The following OASL variants were observed in gnomAD, a reference collection of about 807,000 sequenced individuals.
The protein encoded by OASL is 2'-5'-oligoadenylate synthase-like protein.
OASL carries 28 observed loss-of-function variants against 35.3 expected under a neutral mutation model. The observed-to-expected ratio is 0.79, with a 90% CI of 0.59 to 1.09. The LOEUF (loss-of-function observed/expected upper bound fraction) is 1.09. OASL is among the 50% of genes least tolerant of loss of function. OASL has a pLI of 0.00. For synonymous variants in OASL, 252 were observed against 254.6 expected, an observed-to-expected ratio of 0.99 and a Z score of 0.10; for missense variants, 620 against 635.2, an observed-to-expected ratio of 0.98 and a Z score of 0.26.
intron 1 of OASL, 91 bp from the exon 2 acceptor site, chr12:121,033,834 C>T (rs1281344471): frequency 5.1e-6 from 7 of 1,373,956 alleles, no homozygotes; most frequent in South Asian, 2.6e-5. Context: ...TCACTGAATG[C>T]TCACCACCCG....
intron 1 of OASL, 87 bp downstream of exon 1, chr12:121,038,687 G>C (rs1261819182): frequency 7.6e-7 from 1 of 1,308,020 alleles, no homozygotes; most frequent in Non-Finnish European, 1.1e-6. Flanking sequence ...TAGGGATAAG[G>C]AGGACAGGGG....
exon 1 of OASL, chr12:121,039,219 C>T (rs1043767685): frequency 1.1e-5 from 6 of 531,030 alleles, no homozygotes; most frequent in African/African-American, 9.5e-5. Context: ...CTGGGGCCAC[C>T]TTAACAGGCT....
intron 1 of OASL, among the ~76,000 whole-genome samples, chr12:121,037,810 G>A (rs985358694): frequency 2.1e-5 from 3 of 143,908 alleles, no homozygotes; most frequent in Middle Eastern, 4.3e-3. Flanking sequence ...TTTATTGGCC[G>A]GCCAGACATG....
exon 1 of OASL, chr12:121,038,946 C>T (rs566075133): frequency 6.2e-7 from 1 of 1,614,164 alleles, no homozygotes; most frequent in Non-Finnish European, 8.5e-7. Flanking sequence ...GGCTGGTGTG[C>T]TATACAGTTC....
chr12:121,032,909 GTTTT>G (rs896275550), intron 2 of OASL, among the ~76,000 whole-genome samples: 13 of 150,908 alleles, frequency 8.6e-5, no homozygotes, highest in Admixed American at 5.3e-4. Flanking sequence ...TTGCAATCAT[GTTTT>G]TTTGTTTGTT....
intron 3 of OASL, among the ~76,000 whole-genome samples, chr12:121,028,041 T>C (rs542347547): frequency 6.6e-6 from 1 of 152,342 alleles, no homozygotes; most frequent in Admixed American, 6.5e-5. Flanking sequence ...TCAACAGATG[T>C]AACTCCTGGA....
At chr12:121,020,019 G>C (rs1032476462) in exon 6 of OASL, 3 of 152,568 alleles carry the variant, frequency 2.0e-5, no homozygotes, top group African/African-American at 7.2e-5. Context: ...TCCGAATTCT[G>C]TTGCTGTGCG....
chr12:121,031,704 C>T, intron 2 of OASL, 87 bp from the exon 3 acceptor site: 1 of 1,154,774 alleles, frequency 8.7e-7, no homozygotes, highest in Non-Finnish European at 1.3e-6. Context: ...CCTGCCTTTA[C>T]ATTGGAAGTA....
chr12:121,039,011 C>A, exon 1 of OASL: 1 of 1,565,422 alleles, frequency 6.4e-7, no homozygotes, highest in African/African-American at 1.3e-5. Flanking sequence ...GATATATAGC[C>A]AGGCTCCTAC....
intron 5 of OASL, among the ~76,000 whole-genome samples, chr12:121,021,309 T>C (rs192703742): frequency 1.3e-5 from 2 of 152,290 alleles, no homozygotes; most frequent in African/African-American, 4.8e-5. Flanking sequence ...ATGAGGAAAC[T>C]GAGCAGGGTT....
chr12:121,031,763 G>C, intron 2 of OASL, 146 bp from the exon 3 acceptor site: 1 of 645,454 alleles, frequency 1.5e-6, no homozygotes, highest in Non-Finnish European at 2.6e-6. Context: ...CCAAAGGTTT[G>C]CCTTGTCTAA....
intron 1 of OASL, among the ~76,000 whole-genome samples, chr12:121,036,045 A>G (rs1241737402): frequency 1.3e-5 from 2 of 151,992 alleles, no homozygotes; most frequent in Non-Finnish European, 2.9e-5. Flanking sequence ...ATATTTTTGT[A>G]GAGTCGGGGG....
At chr12:121,024,971 C>CTTTTTTTT (rs751576824) in intron 4 of OASL, among the ~76,000 whole-genome samples, 3 of 63,600 alleles carry the variant, frequency 4.7e-5, no homozygotes, top group Non-Finnish European at 8.2e-5. Flanking sequence ...CCCTAAGTTC[C>CTTTTTTTT]TTTTTTTTTT....
chr12:121,028,217 C>T (rs1189005366), intron 3 of OASL, among the ~76,000 whole-genome samples: 3 of 152,152 alleles, frequency 2.0e-5, no homozygotes, highest in African/African-American at 7.2e-5. Context: ...AGGTGAGATT[C>T]TGTAGTGAAG....
chr12:121,035,719 C>T (rs922069324), intron 1 of OASL, among the ~76,000 whole-genome samples: 2 of 152,206 alleles, frequency 1.3e-5, no homozygotes, highest in African/African-American at 4.8e-5. Context: ...CTTTCTTCCT[C>T]GTGACCCAAG....
At chr12:121,027,395 C>T (rs1430237128) in intron 4 of OASL, among the ~76,000 whole-genome samples, 181 bp downstream of exon 4, 2 of 152,224 alleles carry the variant, frequency 1.3e-5, no homozygotes, top group Non-Finnish European at 2.9e-5. Flanking sequence ...CATGGCCCCC[C>T]AGTGACTTTG....
chr12:121,039,026 C>T, exon 1 of OASL: 1 of 1,457,276 alleles, frequency 6.9e-7, no homozygotes, highest in Admixed American at 1.7e-5. Flanking sequence ...TCCTACCCAG[C>T]TCCCTGGCAC....
At chr12:121,033,371 T>C in intron 2 of OASL, 90 bp downstream of exon 2, 1 of 1,278,558 alleles carries the variant, frequency 7.8e-7, no homozygotes, top group East Asian at 2.3e-5. Context: ...AATGTGGGTG[T>C]GTGCACGTGG....
chr12:121,020,921 C>T, exon 6 of OASL: 2 of 1,614,188 alleles, frequency 1.2e-6, no homozygotes, highest in Non-Finnish European at 1.7e-6. Flanking sequence ...CCTGGAAGGA[C>T]AGACGCTGCA....
Sources: gnomAD v4.1 joint callset for allele counts (sites outside exome capture counted in the v4.1 genomes callset) on GRCh38, gnomAD v4.1.1 for gene constraint, MANE v1.5 for transcripts, NCBI Gene and HGNC (gene_info 2026-07-23, HGNC 2026-07-21) for gene names.